PLXDC2: variants seen among roughly 807,000 people sequenced by gnomAD.
PLXDC2 encodes plexin domain-containing protein 2.
PLXDC2 carries 40 observed loss-of-function variants against 68.9 expected under a neutral mutation model. That is an observed-to-expected ratio of 0.58 (90% CI 0.45 to 0.76). PLXDC2 has a LOEUF of 0.76. Ranked by LOEUF, PLXDC2 falls within the 30% of genes least tolerant of loss-of-function variation. The pLI is 0.00. For missense variants in PLXDC2, 644 were observed against 661.9 expected, an observed-to-expected ratio of 0.97 and a Z score of 0.30; for synonymous variants, 243 against 234.2, an observed-to-expected ratio of 1.04 and a Z score of -0.34.
At chr10:20,271,177 A>G (rs1408592091) in intron 13 of PLXDC2, among the ~76,000 whole-genome samples, 1 of 151,828 alleles carries the variant, frequency 6.6e-6, no homozygotes, top group African/African-American at 2.4e-5. Context: ...ACAGAGCAAG[A>G]TGCAAGAAAA....
chr10:20,025,682 G>A (rs1483750597), intron 2 of PLXDC2, among the ~76,000 whole-genome samples: 1 of 151,946 alleles, frequency 6.6e-6, no homozygotes, highest in Non-Finnish European at 1.5e-5. Flanking sequence ...TTGGCTGCTG[G>A]TATGTCTTCA....
intron 13 of PLXDC2, among the ~76,000 whole-genome samples, chr10:20,274,071 G>A (rs1460471092): frequency 6.6e-6 from 1 of 150,764 alleles, no homozygotes; most frequent in African/African-American, 2.4e-5. Context: ...GGAAGGGAAG[G>A]GGAGGGGAGG....
At chr10:19,973,460 T>C (rs1314082930) in intron 1 of PLXDC2, among the ~76,000 whole-genome samples, 1 of 146,142 alleles carries the variant, frequency 6.8e-6, no homozygotes, top group East Asian at 2.0e-4. Flanking sequence ...AGGAATTTGG[T>C]AGGAAAAGAA....
intron 1 of PLXDC2, among the ~76,000 whole-genome samples, chr10:19,912,128 T>G (rs1833283723): frequency 6.6e-6 from 1 of 152,220 alleles, no homozygotes; most frequent in Non-Finnish European, 1.5e-5. Context: ...GCATTTTGCT[T>G]CTTTGGTATT....
chr10:20,071,980 G>GT (rs1836323844), intron 4 of PLXDC2, among the ~76,000 whole-genome samples: 1 of 152,174 alleles, frequency 6.6e-6, no homozygotes, highest in African/African-American at 2.4e-5. Flanking sequence ...AACTAAATTA[G>GT]TTTATCCTGA....
rs1298540274 is a variant in PLXDC2 at position 20,285,369 on chromosome 10, A to G, written c.*5550A>G. On this transcript the variant is annotated 3_prime_UTR_variant, in exon 14 of 14. Transcript: ENST00000377252. ...ACTGTGCTAGTAACTTGTGATATAC[A>G]GTAGTGAGAGTCCAGGCATGTAACC... 1 of 152,208 alleles carries G rather than the reference A, an allele frequency of 6.6e-6. No homozygotes were observed. The highest frequency in any genetic ancestry group is 2.4e-5 in the African/African-American group (1 of 41,462). 9.4% of individuals were successfully genotyped at this position (152,208 alleles called of 1,614,324 possible).
intron 1 of PLXDC2, among the ~76,000 whole-genome samples, chr10:19,867,042 G>A (rs988873462): frequency 6.6e-6 from 1 of 150,478 alleles, no homozygotes; most frequent in East Asian, 2.0e-4. Flanking sequence ...AATGACAATT[G>A]GAATTCGGTC....
chr10:20,060,806 T>G (rs1836089655), intron 3 of PLXDC2, among the ~76,000 whole-genome samples: 1 of 152,182 alleles, frequency 6.6e-6, no homozygotes, highest in Non-Finnish European at 1.5e-5. Flanking sequence ...TATTAAAGAT[T>G]CCAGGTAGAA....
intron 1 of PLXDC2, among the ~76,000 whole-genome samples, chr10:19,866,849 G>A (rs1837425767): frequency 6.6e-6 from 1 of 152,124 alleles, no homozygotes; most frequent in Non-Finnish European, 1.5e-5. Context: ...CCAGCAGGGT[G>A]GGATATCTTC....
chr10:19,962,037 G>A (rs1396368803), intron 1 of PLXDC2, among the ~76,000 whole-genome samples: 2 of 152,136 alleles, frequency 1.3e-5, no homozygotes, highest in Admixed American at 6.5e-5. Flanking sequence ...CGGAAATGAG[G>A]TGTTTTTAGT....
At chr10:20,259,924 A>T (rs1221065997) in intron 13 of PLXDC2, among the ~76,000 whole-genome samples, 2 of 152,202 alleles carry the variant, frequency 1.3e-5, no homozygotes, top group Non-Finnish European at 2.9e-5. Context: ...GGGACAACAG[A>T]GATAAATAAA....
chr10:20,082,070 A>AAAAAAAC (rs1554765384), intron 4 of PLXDC2, among the ~76,000 whole-genome samples: 3,843 of 120,974 alleles, frequency 0.032, 327 homozygotes, highest in Non-Finnish European at 0.051. Flanking sequence ...AAATCAAAAA[A>AAAAAAAC]AAAAAACAGG....
At chr10:20,149,502 G>A (rs1206503473) in intron 6 of PLXDC2, among the ~76,000 whole-genome samples, 2 of 151,868 alleles carry the variant, frequency 1.3e-5, no homozygotes, top group East Asian at 3.9e-4. Context: ...GCCTCCCAAA[G>A]TGCTGGGATT....
At chr10:20,223,047 G>A (rs2131869417) in intron 12 of PLXDC2, among the ~76,000 whole-genome samples, 1 of 152,132 alleles carries the variant, frequency 6.6e-6, no homozygotes, top group South Asian at 2.1e-4. Context: ...GAAGAGGAGA[G>A]AGGAAGAATG....
chr10:19,981,859 C>T (rs1834556653), intron 1 of PLXDC2, among the ~76,000 whole-genome samples: 1 of 152,180 alleles, frequency 6.6e-6, no homozygotes, highest in African/African-American at 2.4e-5. Flanking sequence ...CAAAATTGCC[C>T]TTCAGGCCTT....
chr10:19,924,187 C>T (rs944788986), intron 1 of PLXDC2, among the ~76,000 whole-genome samples: 11 of 152,212 alleles, frequency 7.2e-5, no homozygotes, highest in East Asian at 1.9e-4. Flanking sequence ...GGACCCCTCA[C>T]GGGCTTATTC....
intron 1 of PLXDC2, among the ~76,000 whole-genome samples, chr10:19,890,753 A>G (rs1347242611): frequency 8.1e-5 from 12 of 148,456 alleles, no homozygotes; most frequent in Admixed American, 1.4e-4. Context: ...CTATGTGTAC[A>G]TAGAATAATT....
chr10:19,949,602 A>G (rs138663120), intron 1 of PLXDC2, among the ~76,000 whole-genome samples: 3 of 152,356 alleles, frequency 2.0e-5, no homozygotes, highest in African/African-American at 7.2e-5. Context: ...GTTAGAGTGT[A>G]TAAGAAATAT....
chr10:19,943,515 A>G (rs1419474555), intron 1 of PLXDC2, among the ~76,000 whole-genome samples: 1 of 152,222 alleles, frequency 6.6e-6, no homozygotes, highest in Non-Finnish European at 1.5e-5. Context: ...TTTAGCACAT[A>G]AGCATAACCA....
Sources: gnomAD v4.1 joint callset for allele counts (sites outside exome capture counted in the v4.1 genomes callset) on GRCh38, gnomAD v4.1.1 for gene constraint, MANE v1.5 for transcripts, NCBI Gene and HGNC (gene_info 2026-07-23, HGNC 2026-07-21) for gene names.